Variants in TMPRSS2 observed in about 807,000 individuals in gnomAD.
TMPRSS2 encodes transmembrane protease serine 2.
Under a neutral mutation model 67.4 loss-of-function variants are expected in TMPRSS2, and 59 were observed. The ratio of observed to expected loss-of-function variants is 0.88; its 90% CI spans 0.71 to 1.09. The LOEUF is 1.09. Ranked by LOEUF, TMPRSS2 falls within the 50% of genes least tolerant of loss-of-function variation. The probability of loss-of-function intolerance (pLI) is 0.00; values close to 1 mark genes in which losing one functional copy is unlikely to be tolerated. For missense variants in TMPRSS2, 668 were observed against 642.7 expected, an observed-to-expected ratio of 1.04 and a Z score of -0.43; for synonymous variants, 257 against 257.0, an observed-to-expected ratio of 1.00 and a Z score of 0.00.
Position 41,479,154 on chromosome 21 carries a change from G to A in TMPRSS2, c.683+18C>T. ...TTGATTTCATTCCAAAATTTTTCAAGAAGAAATTGCTGCATACCTGTGGTA... is the reference window on the plus strand; with the variant it reads ...TTGATTTCATTCCAAAATTTTTCAAAAAGAAATTGCTGCATACCTGTGGTA... On this transcript the variant is annotated intron_variant, in intron 7 of 13. Transcript: ENST00000332149. 2 of 1,597,970 alleles carry A rather than the reference G, an allele frequency of 1.3e-6. No homozygotes were observed. Among genetic ancestry groups the A allele is most frequent in the South Asian group, 1.1e-5 (1 of 90,312 alleles).
chr21:41,482,473 T>C lies in TMPRSS2; in HGVS notation c.446-1871A>G, dbSNP rs527489879. 5.3e-5 allele frequency among the ~76,000 whole-genome samples: 8 copies of C among 152,346 alleles called. No individual in the cohort carries two copies. In the East Asian group the frequency reaches 1.5e-3, roughly 29 times the overall value. ...CGTTATTCATGCAAAGCTGAAAGCA[T>C]GGAAACAATGCTGTGTGGTTTGGGA... is the stretch of plus-strand genomic sequence containing the variant. On this transcript the variant is annotated intron_variant, in intron 5 of 13. Coordinates refer to ENST00000332149, the MANE Select transcript of TMPRSS2 (RefSeq NM_005656.4).
chr21:41,494,850 C>T, intron 2 of TMPRSS2: 1 of 440,234 alleles, frequency 2.3e-6, no homozygotes, highest in South Asian at 2.1e-5. Flanking sequence ...GCGGGCGGAT[C>T]ATGAGGTCAG....
chr21:41,505,662 G>A (rs893205638), intron 1 of TMPRSS2, among the ~76,000 whole-genome samples: 10 of 152,166 alleles, frequency 6.6e-5, no homozygotes, highest in Non-Finnish European at 1.3e-4. Flanking sequence ...TTTCAGGTCG[G>A]GGAGAACCAG....
intron 2 of TMPRSS2, among the ~76,000 whole-genome samples, 154 bp downstream of exon 2, chr21:41,497,963 ACT>A (rs1360450169): frequency 6.6e-6 from 1 of 152,120 alleles, no homozygotes; most frequent in Non-Finnish European, 1.5e-5. Context: ...TGCGCACCTG[ACT>A]CACTCTTTCT....
intron 8 of TMPRSS2, among the ~76,000 whole-genome samples, chr21:41,473,889 G>A (rs368994585): frequency 9.5e-5 from 12 of 125,996 alleles, no homozygotes; most frequent in Admixed American, 5.7e-4. Flanking sequence ...GTGAGGAGAC[G>A]AGGAGGTGAG....
chr21:41,499,864 C>T (rs867094430), intron 1 of TMPRSS2, among the ~76,000 whole-genome samples: 8 of 152,284 alleles, frequency 5.3e-5, no homozygotes, highest in Middle Eastern at 3.4e-3. Flanking sequence ...CACCCCTTCC[C>T]GCTTGGCTTT....
In TMPRSS2 at chr21:41,473,502, G is replaced by A. The variant is rs1386238929; in HGVS notation, c.728-6C>T. ...GTTCAAGTTGACCCCGCAGGCTGAG[G>A]ATGACAAACAGGAGGCCAGTGGGGT... On this transcript the variant is annotated splice_polypyrimidine_tract_variant and splice_region_variant and intron_variant, in intron 8 of 13. Transcript: ENST00000332149. 6.2e-7 allele frequency: 1 copy of A among 1,603,780 alleles called. No homozygotes were observed. The highest frequency in any genetic ancestry group is 1.3e-5 in the African/African-American group (1 of 74,802).
At chr21:41,480,658 A>C in intron 5 of TMPRSS2, 56 bp from the exon 6 acceptor site, 1 of 1,589,016 alleles carries the variant, frequency 6.3e-7, no homozygotes, top group Non-Finnish European at 8.6e-7. Context: ...CTTTTTTTTG[A>C]GACGGAGTCT....
At chr21:41,475,882 C>G (rs1025832118) in intron 8 of TMPRSS2, among the ~76,000 whole-genome samples, 2 of 151,854 alleles carry the variant, frequency 1.3e-5, no homozygotes, top group African/African-American at 4.8e-5. Flanking sequence ...CACTCAGGAC[C>G]TAAAGAAGAC....
chr21:41,471,104 C>T (rs372665499), intron 10 of TMPRSS2, among the ~76,000 whole-genome samples: 65 of 152,330 alleles, frequency 4.3e-4, no homozygotes, highest in African/African-American at 1.4e-3. Flanking sequence ...AGAGGCACCA[C>T]GCCATTGCTC....
At chr21:41,468,329 C>T (rs1389577342) in intron 12 of TMPRSS2, 67 bp downstream of exon 12, 3 of 1,579,878 alleles carry the variant, frequency 1.9e-6, no homozygotes, top group Non-Finnish European at 2.6e-6. Flanking sequence ...CAAGAATGCC[C>T]TCTCTCTCAT....
At chr21:41,473,256 G>T in intron 9 of TMPRSS2, 69 bp downstream of exon 9, 2 of 1,484,082 alleles carry the variant, frequency 1.3e-6, no homozygotes, top group Non-Finnish European at 9.1e-7. Flanking sequence ...GTTGAGACCT[G>T]CTCAAGGTCA....
At chr21:41,479,099 A>T in intron 7 of TMPRSS2, 73 bp downstream of exon 7, 1 of 1,180,724 alleles carries the variant, frequency 8.5e-7, no homozygotes, top group Non-Finnish European at 1.3e-6. Flanking sequence ...AATCAGACTC[A>T]GGACAACGAT....
intron 1 of TMPRSS2, among the ~76,000 whole-genome samples, chr21:41,501,507 G>C (rs1349728691): frequency 1.3e-5 from 2 of 151,112 alleles, no homozygotes; most frequent in African/African-American, 4.9e-5. Context: ...TACTTGGGAG[G>C]CTGAGGCAGG....
intron 11 of TMPRSS2, 30 bp from the exon 12 acceptor site, chr21:41,468,568 A>T (rs370240530): frequency 6.2e-7 from 1 of 1,612,178 alleles, no homozygotes; most frequent in Non-Finnish European, 8.5e-7. Context: ...TTGAGCTCCC[A>T]GTGTTGCCTG....
Position 41,488,474 on chromosome 21 carries a change from G to C in TMPRSS2, c.365C>G (p.Ser122Cys). ...KCSNSGIECDSSGTCINPSNW... is the reference protein window; with the variant it reads ...KCSNSGIECDCSGTCINPSNW... ...AGAGGGGTTGATGCAGGTACCTGAG[G>C]AGTCGCACTCTATCCCAGAGTTGGA... is the stretch of plus-strand genomic sequence containing the variant. Residue 122 changes from serine to cysteine, a missense_variant, in exon 5 of 14, where the codon TCC becomes TGC. By Grantham distance (112) the Ser-to-Cys change is moderately radical. Transcript: ENST00000332149. 6.2e-7 allele frequency: 1 copy of C among 1,613,912 alleles called. No homozygotes were observed. Among genetic ancestry groups the C allele is most frequent in the Non-Finnish European group, 8.5e-7 (1 of 1,179,892 alleles).
intron 3 of TMPRSS2, among the ~76,000 whole-genome samples, chr21:41,493,014 C>A (rs886272746): frequency 6.6e-6 from 1 of 152,184 alleles, no homozygotes; most frequent in Non-Finnish European, 1.5e-5. Flanking sequence ...TCTTTGCTGT[C>A]GGGGGGCTGT....
chr21:41,507,027 G>C (rs959228217), intron 1 of TMPRSS2, among the ~76,000 whole-genome samples: 3 of 152,210 alleles, frequency 2.0e-5, no homozygotes, highest in Non-Finnish European at 4.4e-5. Context: ...AAGCCACCAG[G>C]ATTCCTCGTG....
chr21:41,469,932 C>T (rs1569009505), intron 11 of TMPRSS2, among the ~76,000 whole-genome samples: 3 of 152,162 alleles, frequency 2.0e-5, no homozygotes, highest in South Asian at 4.1e-4. Context: ...TGTGGCTCTA[C>T]TGTAGTAAGT....
Sources: allele counts gnomAD v4.1 joint callset (sites outside exome capture counted in the v4.1 genomes callset), GRCh38; gene constraint gnomAD v4.1.1; transcripts MANE v1.5; gene names NCBI Gene and HGNC (gene_info 2026-07-23, HGNC 2026-07-21).